Variants in MIPOL1 observed in about 807,000 individuals in gnomAD.
MIPOL1 encodes the protein mirror-image polydactyly gene 1 protein.
A neutral mutation model predicts 60.9 loss-of-function variants in MIPOL1; 57 were observed. The ratio of observed to expected loss-of-function variants is 0.94; its 90% CI spans 0.76 to 1.17. The LOEUF is 1.17. Ranked by LOEUF, MIPOL1 falls within the 50% of genes most tolerant of loss-of-function variation. The pLI is 0.00. For synonymous variants in MIPOL1, 179 were observed against 168.8 expected (o/e 1.06, Z -0.47); for missense variants, 551 against 511.6 (o/e 1.08, Z -0.74).
chr14:37,445,924 A>G (rs1293838165), intron 11 of MIPOL1, among the ~76,000 whole-genome samples: 5 of 152,222 alleles, frequency 3.3e-5, no homozygotes, highest in South Asian at 4.1e-4. Flanking sequence ...AAATTAATTC[A>G]AGATGGATTA....
At chr14:37,269,489 A>G (rs17106530) in intron 5 of MIPOL1, among the ~76,000 whole-genome samples, 3,426 of 152,190 alleles carry the variant, frequency 0.023, 141 homozygotes, top group African/African-American at 0.078. Context: ...GTTTGGAGGA[A>G]AACAACTAAA....
chr14:37,326,811 C>T (rs2089204911), intron 9 of MIPOL1, among the ~76,000 whole-genome samples: 1 of 152,194 alleles, frequency 6.6e-6, no homozygotes, highest in Non-Finnish European at 1.5e-5. Flanking sequence ...TATTAAAGCC[C>T]TCCTCTGCTA....
chr14:37,410,912 A>G (rs1019696897), intron 10 of MIPOL1, among the ~76,000 whole-genome samples: 14 of 151,998 alleles, frequency 9.2e-5, no homozygotes, highest in Non-Finnish European at 2.1e-4. Flanking sequence ...TTTTAAAAAT[A>G]TAACATAGAA....
chr14:37,490,580 G>A (rs575675646), intron 11 of MIPOL1, among the ~76,000 whole-genome samples: 23 of 152,232 alleles, frequency 1.5e-4, no homozygotes, highest in African/African-American at 4.8e-4. Context: ...CCTTGGTGGC[G>A]TAGGCACCAG....
intron 12 of MIPOL1, among the ~76,000 whole-genome samples, chr14:37,537,340 T>C (rs1594922068): frequency 1.3e-5 from 2 of 152,192 alleles, no homozygotes; most frequent in African/African-American, 2.4e-5. Flanking sequence ...AAGACACTTA[T>C]ATGTATGATA....
At chr14:37,458,788 G>A (rs1052297301) in intron 11 of MIPOL1, among the ~76,000 whole-genome samples, 12 of 152,104 alleles carry the variant, frequency 7.9e-5, no homozygotes, top group African/African-American at 2.9e-4. Context: ...GGAGACAGAG[G>A]TTGCAGTGAG....
intron 11 of MIPOL1, among the ~76,000 whole-genome samples, chr14:37,473,211 C>T (rs976134853): frequency 1.8e-4 from 27 of 152,054 alleles, no homozygotes; most frequent in African/African-American, 6.5e-4. Flanking sequence ...TTAAAAGCAT[C>T]CCACACCTCC....
chr14:37,388,183 C>T (rs551816094), intron 10 of MIPOL1, among the ~76,000 whole-genome samples: 12 of 151,750 alleles, frequency 7.9e-5, no homozygotes, highest in Non-Finnish European at 1.3e-4. Context: ...AGGTAATCAG[C>T]GTTGTTGAAG....
chr14:37,363,842 G>A (rs551308900), intron 9 of MIPOL1, among the ~76,000 whole-genome samples: 54 of 152,278 alleles, frequency 3.5e-4, no homozygotes, highest in African/African-American at 1.3e-3. Context: ...CAGTAATGGC[G>A]GATACCCCTC....
At chr14:37,295,771 G>C (rs2153422603) in intron 7 of MIPOL1, among the ~76,000 whole-genome samples, 1 of 152,252 alleles carries the variant, frequency 6.6e-6, no homozygotes, top group South Asian at 2.1e-4. Flanking sequence ...AAATATATAT[G>C]TACCCAATAC....
intron 12 of MIPOL1, among the ~76,000 whole-genome samples, chr14:37,518,903 G>T (rs2095391418): frequency 7.5e-6 from 1 of 133,200 alleles, no homozygotes; most frequent in African/African-American, 3.0e-5. Flanking sequence ...CCAAATTTGG[G>T]ATGTCTTGTG....
chr14:37,317,065 C>T (rs1436241703), intron 9 of MIPOL1, among the ~76,000 whole-genome samples: 4 of 152,044 alleles, frequency 2.6e-5, no homozygotes, highest in Non-Finnish European at 5.9e-5. Context: ...GGTTCTAGAA[C>T]ATAAGTATAA....
At chr14:37,545,281 A>T (rs533894395) in intron 12 of MIPOL1, among the ~76,000 whole-genome samples, 1 of 152,324 alleles carries the variant, frequency 6.6e-6, no homozygotes, top group Non-Finnish European at 1.5e-5. Flanking sequence ...TCTATAATTC[A>T]TACTCACATT....
rs879223694 is a variant in MIPOL1, at chr14:37,355,401, C to T, written c.829-14116C>T. 3.1e-3 allele frequency among the ~76,000 whole-genome samples: 446 copies of T among 144,054 alleles called. 4 individuals carry two copies. Among genetic ancestry groups the T allele is most frequent in the African/African-American group, 9.7e-3 (379 of 38,876 alleles). 94.5% of individuals were successfully genotyped at this position (144,054 alleles called of 152,430 possible). A position where few individuals can be genotyped will look rare whatever the true frequency, so the allele number is the denominator to read the frequency against. ...TTATGTGTCTTGGAGTTGCTCTTCT[C>T]GAGGAGTATCTTTGTGGCGTTCTCT... On this transcript the variant is annotated intron_variant, in intron 9 of 12. Coordinates refer to ENST00000684589, the MANE Select transcript of MIPOL1 (RefSeq NM_001388067.1).
At chr14:37,413,642 T>C (rs2093715460) in intron 10 of MIPOL1, among the ~76,000 whole-genome samples, 1 of 152,164 alleles carries the variant, frequency 6.6e-6, no homozygotes, top group Non-Finnish European at 1.5e-5. Context: ...TTCTGGGGAA[T>C]AGGATGTGGG....
intron 11 of MIPOL1, among the ~76,000 whole-genome samples, chr14:37,486,354 T>G (rs2094946062): frequency 6.6e-6 from 1 of 152,170 alleles, no homozygotes; most frequent in African/African-American, 2.4e-5. Context: ...TAAAGTAGGT[T>G]TTTTCAATTT....
intron 9 of MIPOL1, among the ~76,000 whole-genome samples, chr14:37,315,072 A>G (rs1051124821): frequency 6.6e-6 from 1 of 152,178 alleles, no homozygotes; most frequent in Non-Finnish European, 1.5e-5. Context: ...TAGTTAATGT[A>G]TAGTGACAGC....
rs1232413375 is a variant in MIPOL1 at position 37,270,529 on chromosome 14, T to C, written c.493+4T>C. On this transcript the variant is annotated splice_donor_region_variant and intron_variant, in intron 6 of 12. Transcript: ENST00000684589. ...AAAATTGCTGAAAAGACAGCAGGTA[T>C]AGTAGAGGAGTATTAACACATGGCT... The C allele has an allele frequency of 1.3e-6, 2 of 1,532,040 alleles. No homozygotes were observed. The highest frequency in any genetic ancestry group is 1.8e-6 in the Non-Finnish European group (2 of 1,118,648). The allele number at this position is 1,532,040 out of a possible 1,614,324, so 94.9% of individuals were successfully genotyped here. A position where few individuals can be genotyped will look rare whatever the true frequency, so the allele number is the denominator to read the frequency against.
At chr14:37,372,033 G>A (rs1217597257) in intron 10 of MIPOL1, among the ~76,000 whole-genome samples, 3 of 151,944 alleles carry the variant, frequency 2.0e-5, no homozygotes, top group Non-Finnish European at 2.9e-5. Context: ...CTTTAAAAAC[G>A]ATTCACTGTC....
Sources: allele counts gnomAD v4.1 joint callset (sites outside exome capture counted in the v4.1 genomes callset), GRCh38; gene constraint gnomAD v4.1.1; transcripts MANE v1.5; gene names NCBI Gene and HGNC (gene_info 2026-07-23, HGNC 2026-07-21).